The following SIPA1L1 variants were observed in gnomAD, a reference collection of about 807,000 sequenced individuals.
The protein encoded by SIPA1L1 is signal-induced proliferation-associated 1-like protein 1.
In SIPA1L1, 26 loss-of-function variants were observed where a neutral mutation model predicts 162.7. That is an observed-to-expected ratio of 0.16 (90% CI 0.12 to 0.22). The LOEUF (loss-of-function observed/expected upper bound fraction) is 0.22, where lower values mean the gene tolerates loss of function less well. Ranked by LOEUF, SIPA1L1 falls within the 10% of genes least tolerant of loss-of-function variation. The probability of loss-of-function intolerance (pLI) is 1.00; values close to 1 mark genes in which losing one functional copy is unlikely to be tolerated. For missense variants in SIPA1L1, 1,874 were observed against 2,241.0 expected (o/e 0.84, Z 3.31); for synonymous variants, 829 against 837.4 (o/e 0.99, Z 0.17).
chr14:71,553,476 T>A (rs555041209), intron 4 of SIPA1L1, among the ~76,000 whole-genome samples: 1 of 152,364 alleles, frequency 6.6e-6, no homozygotes, highest in Admixed American at 6.5e-5. Flanking sequence ...TTTTCCTCTC[T>A]TCTCTTCCTC....
At chr14:71,473,502 A>C (rs151068705) in intron 2 of SIPA1L1, among the ~76,000 whole-genome samples, 34 of 152,296 alleles carry the variant, frequency 2.2e-4, no homozygotes, top group African/African-American at 7.7e-4. Flanking sequence ...TCTGATTCAA[A>C]TTTATTGGTC....
At chr14:71,557,933 A>AT (rs773177953) in intron 4 of SIPA1L1, among the ~76,000 whole-genome samples, 36 of 152,226 alleles carry the variant, frequency 2.4e-4, no homozygotes, top group Non-Finnish European at 3.4e-4. Context: ...TTGCTAACTT[A>AT]CATCGTAGGT....
At chr14:71,652,295 T>C (rs972948615) in intron 8 of SIPA1L1, among the ~76,000 whole-genome samples, 4 of 152,204 alleles carry the variant, frequency 2.6e-5, no homozygotes, top group Non-Finnish European at 4.4e-5. Context: ...ACACCTCAGC[T>C]GCCTCCTACT....
Position 71,730,106 on chromosome 14 carries a change from C to T in SIPA1L1, c.4666C>T (p.Arg1556Trp), listed in dbSNP as rs1566751897. ...TCCTTTCCCCAGCACCCCCACCTCA[C>T]GGCGGGCCTTGCACAGAACACTGTC... ...QSPFPSTPTS[R>W]RALHRTLSDE... Residue 1556 changes from arginine (R) to tryptophan (W), a missense_variant, in exon 20 of 24, where the codon CGG (arginine) becomes TGG (tryptophan). Arg to Trp is a moderately radical substitution (Grantham distance 101, BLOSUM62 -3). Transcript: ENST00000381232. 2 of 1,614,136 alleles carry T rather than the reference C, an allele frequency of 1.2e-6. No individual in the cohort carries two copies. The highest frequency in any genetic ancestry group is 1.7e-6 in the Non-Finnish European group (2 of 1,179,992).
intron 2 of SIPA1L1, among the ~76,000 whole-genome samples, chr14:71,390,901 T>C (rs530574273): frequency 1.3e-5 from 2 of 152,310 alleles, no homozygotes; most frequent in East Asian, 3.9e-4. Context: ...TGGCCTTCTA[T>C]AGAATTTTGA....
intron 2 of SIPA1L1, among the ~76,000 whole-genome samples, chr14:71,352,454 A>G (rs75368198): frequency 0.017 from 2,629 of 152,310 alleles, 71 homozygotes; most frequent in African/African-American, 0.06. Context: ...ACCATAGGTT[A>G]CTGTTGCTGG....
At chr14:71,525,099 G>A (rs1369909195) in intron 3 of SIPA1L1, among the ~76,000 whole-genome samples, 1 of 152,140 alleles carries the variant, frequency 6.6e-6, no homozygotes, top group Non-Finnish European at 1.5e-5. Flanking sequence ...TCAGCCTCCT[G>A]AGTAGCTGGG....
At chr14:71,341,508 A>G (rs1056576325) in intron 2 of SIPA1L1, among the ~76,000 whole-genome samples, 2 of 152,128 alleles carry the variant, frequency 1.3e-5, no homozygotes, top group Non-Finnish European at 2.9e-5. Context: ...TTTTCTCCCC[A>G]ACTTTTGTTT....
At chr14:71,590,705 A>G (rs1478704947) in intron 5 of SIPA1L1, among the ~76,000 whole-genome samples, 1 of 152,158 alleles carries the variant, frequency 6.6e-6, no homozygotes, top group African/African-American at 2.4e-5. Flanking sequence ...TTCTCAGAAT[A>G]ATTTTCTGAA....
Position 71,647,911 on chromosome 14 carries a change from T to C in SIPA1L1, c.1819-2424T>C, listed in dbSNP as rs569867129. ...GTTTTACCCTGATTTTTTTTTCTTA[T>C]GTGTGCTATACAAAAATGAACTAAG... On this transcript the variant is annotated intron_variant, in intron 7 of 23. Transcript: ENST00000381232. Among the ~76,000 whole-genome samples the C allele has an allele frequency of 3.6e-4, 55 of 152,110 alleles. No individual in the cohort carries two copies. In the East Asian group the frequency reaches 8.7e-3, roughly 24 times the overall value.
At chr14:71,460,460 G>A (rs943909641) in intron 2 of SIPA1L1, among the ~76,000 whole-genome samples, 10 of 152,128 alleles carry the variant, frequency 6.6e-5, no homozygotes, top group African/African-American at 2.4e-4. Flanking sequence ...TACCTTTGTT[G>A]TGGAGTAGTA....
At chr14:71,506,111 A>G (rs76944466) in intron 2 of SIPA1L1, among the ~76,000 whole-genome samples, 3,347 of 152,200 alleles carry the variant, frequency 0.022, 120 homozygotes, top group African/African-American at 0.076. Flanking sequence ...ACGTTGTCCC[A>G]TTATTGTCAC....
intron 5 of SIPA1L1, among the ~76,000 whole-genome samples, chr14:71,591,773 A>G (rs1385816979): frequency 1.3e-5 from 2 of 152,246 alleles, no homozygotes; most frequent in Admixed American, 6.5e-5. Context: ...CCATAAGAAT[A>G]AAAACATAGA....
At chr14:71,599,302 C>A (rs545031418) in intron 5 of SIPA1L1, among the ~76,000 whole-genome samples, 5 of 151,884 alleles carry the variant, frequency 3.3e-5, no homozygotes. Context: ...AGGCATGCGC[C>A]ACCATGCCTG....
intron 2 of SIPA1L1, among the ~76,000 whole-genome samples, chr14:71,497,683 G>A (rs2049899219): frequency 6.6e-6 from 1 of 152,200 alleles, no homozygotes; most frequent in African/African-American, 2.4e-5. Flanking sequence ...GCATGTATCA[G>A]TAGTTGCTTT....
intron 4 of SIPA1L1, chr14:71,586,380 G>T (rs3825719): frequency 1.3e-5 from 2 of 152,134 alleles, no homozygotes; most frequent in African/African-American, 4.8e-5. Context: ...CGTGGAAGTA[G>T]GTGCTTGTTA....
chr14:71,446,203 G>T (rs189653572), intron 2 of SIPA1L1, among the ~76,000 whole-genome samples: 5 of 152,212 alleles, frequency 3.3e-5, no homozygotes, highest in Admixed American at 3.3e-4. Flanking sequence ...GTAAGTAAAA[G>T]AAGCTGATTT....
At chr14:71,660,592 G>A (rs1026632909) in intron 9 of SIPA1L1, among the ~76,000 whole-genome samples, 1 of 152,074 alleles carries the variant, frequency 6.6e-6, no homozygotes, top group Admixed American at 6.6e-5. Context: ...TTTTTTAAGA[G>A]CCTCCGTACA....
At position 71,739,352 on chromosome 14, in the gene SIPA1L1, C is replaced by T. The variant is rs1302960514; in HGVS notation, c.*191C>T. 1 of 403,328 alleles carries T rather than the reference C, an allele frequency of 2.5e-6. No individual in the cohort carries two copies. Among genetic ancestry groups the T allele is most frequent in the South Asian group, 1.2e-4 (1 of 8,222 alleles). The allele number at this position is 403,328 out of a possible 1,614,324, so 25.0% of individuals were successfully genotyped here. On this transcript the variant is annotated 3_prime_UTR_variant, in exon 24 of 24. Transcript: ENST00000381232. ...ACCTGCCTTTTGTAGAAAAGAAAAA[C>T]AAAAAAAGTAAATAAAAATTTTAAA...
Sources: gnomAD v4.1 joint callset for allele counts (sites outside exome capture counted in the v4.1 genomes callset) on GRCh38, gnomAD v4.1.1 for gene constraint, MANE v1.5 for transcripts, NCBI Gene and HGNC (gene_info 2026-07-23, HGNC 2026-07-21) for gene names.